The following UNC80 variants were observed in gnomAD, a reference collection of about 807,000 sequenced individuals.
UNC80 encodes the protein unc-80 subunit of NALCN channel complex.
UNC80 carries 164 observed loss-of-function variants against 384.6 expected under a neutral mutation model. That is an observed-to-expected ratio of 0.43 (90% confidence interval 0.38 to 0.49). UNC80 has a LOEUF of 0.49. UNC80 is among the 20% of genes least tolerant of loss of function. The probability of loss-of-function intolerance (pLI) is 0.00; values close to 1 mark genes in which losing one functional copy is unlikely to be tolerated. For missense variants in UNC80, 3,330 were observed against 4,143.0 expected, an observed-to-expected ratio of 0.80 and a Z score of 5.39; for synonymous variants, 1,486 against 1,527.8, an observed-to-expected ratio of 0.97 and a Z score of 0.64.
chr2:209,799,313 G>A (rs941104145), intron 7 of UNC80, among the ~76,000 whole-genome samples: 1 of 151,934 alleles, frequency 6.6e-6, no homozygotes, highest in African/African-American at 2.4e-5. Flanking sequence ...GTATTTCTAG[G>A]TATTGTATTA....
In UNC80 at chr2:209,982,323, C is replaced by A. The variant is rs1174852711; in HGVS notation, c.9257+6C>A. 5 of 1,550,290 alleles carry A rather than the reference C, an allele frequency of 3.2e-6. No homozygotes were observed. In the Admixed American group the frequency reaches 9.8e-5, roughly 30 times the overall value. On this transcript the variant is annotated splice_donor_region_variant and intron_variant, in intron 60 of 64. Coordinates refer to ENST00000673920, the MANE Select transcript of UNC80 (RefSeq NM_001371986.1). ...GGCATGCTACCCAGCCAGAGGTAAA[C>A]AGCTATGGTTATACTGTACTCTGCA...
chr2:209,919,470 T>C (rs1054927442), intron 33 of UNC80, among the ~76,000 whole-genome samples: 1 of 152,196 alleles, frequency 6.6e-6, no homozygotes, highest in Non-Finnish European at 1.5e-5. Flanking sequence ...CACTTTGTCC[T>C]TATAGAATAG....
At chr2:209,918,448 G>A (rs2089743437) in intron 32 of UNC80, 84 bp from the exon 33 acceptor site, 9 of 1,428,628 alleles carry the variant, frequency 6.3e-6, no homozygotes, top group Non-Finnish European at 7.6e-6. Flanking sequence ...AACACTTCCT[G>A]AGACAGATTG....
At chr2:209,914,049 A>G (rs1397212823) in intron 31 of UNC80, 109 bp downstream of exon 31, 1 of 1,314,314 alleles carries the variant, frequency 7.6e-7, no homozygotes, top group East Asian at 2.6e-5. Flanking sequence ...AGGTCAAGTT[A>G]ATGGCAATTG....
rs965816522 is a variant in UNC80, at chr2:209,973,212, G to A, written c.8529G>A (p.Ala2843=). 10 of 1,551,662 alleles carry A rather than the reference G, an allele frequency of 6.4e-6. No homozygotes were observed. Among genetic ancestry groups the A allele is most frequent in the South Asian group, 4.8e-5 (4 of 84,052 alleles). ...CCCACTGCTCCACCCCTGGGGATGC[G>A]GGGAAAGACTTGCGCAGGGAAGGGC... The part of the protein sequence containing the change: ...SPAHCSTPGD[A]GKDLRREGLA... The change falls in exon 56 of 65, where the codon GCG becomes GCA. Residue 2843 remains alanine (A), a synonymous_variant. Coordinates refer to ENST00000673920, the MANE Select transcript of UNC80 (RefSeq NM_001371986.1).
At chr2:209,955,663 C>G (rs932078432) in intron 48 of UNC80, among the ~76,000 whole-genome samples, 15 of 131,914 alleles carry the variant, frequency 1.1e-4, no homozygotes, top group Non-Finnish European at 2.2e-4. Flanking sequence ...GAAAAGCAGT[C>G]AATTGTTCCC....
intron 22 of UNC80, among the ~76,000 whole-genome samples, chr2:209,852,334 AAG>A (rs1296796822): frequency 6.6e-6 from 1 of 152,198 alleles, no homozygotes; most frequent in Non-Finnish European, 1.5e-5. Flanking sequence ...ATGAGGCAAA[AAG>A]AGAGAGAATC....
chr2:209,854,246 TAACAA>T (rs1260740297), intron 22 of UNC80, among the ~76,000 whole-genome samples: 5 of 152,088 alleles, frequency 3.3e-5, no homozygotes, highest in Admixed American at 3.3e-4. Context: ...AATTTAGTAA[TAACAA>T]AACTAAACTA....
At chr2:209,811,627 C>T (rs183423813) in intron 7 of UNC80, among the ~76,000 whole-genome samples, 17 of 152,264 alleles carry the variant, frequency 1.1e-4, no homozygotes, top group African/African-American at 3.1e-4. Context: ...ATAGCATATA[C>T]GGGAATTTAG....
intron 48 of UNC80, 51 bp from the exon 49 acceptor site, chr2:209,957,593 A>G (rs1242559670): frequency 2.1e-6 from 3 of 1,436,270 alleles, no homozygotes; most frequent in South Asian, 1.3e-5. Flanking sequence ...AAATGTTTCC[A>G]TTTCTGTTGT....
At chr2:209,815,565 C>G (rs1322322536) in intron 9 of UNC80, among the ~76,000 whole-genome samples, 174 bp downstream of exon 9, 2 of 152,090 alleles carry the variant, frequency 1.3e-5, no homozygotes, top group Non-Finnish European at 2.9e-5. Context: ...GCAAGTCCCT[C>G]TGTGTGAATG....
At position 209,994,084 on chromosome 2, in the gene UNC80, G is replaced by A; in HGVS notation, c.9528G>A (p.Val3176=). Residue 3176 remains valine (V), a synonymous_variant, in exon 64 of 65, where the codon GTG becomes GTA. Transcript: ENST00000673920. ...CTGCAGCGGATCAGAAACGATCTGT[G>A]ACCTTCATTGAGGCTCAGCCAGAGC... ...TKPSADQKRS[V]TFIEAQPEPA... 6.4e-7 allele frequency: 1 copy of A among 1,551,056 alleles called. No homozygotes were observed. The highest frequency in any genetic ancestry group is 8.7e-7 in the Non-Finnish European group (1 of 1,146,710).
chr2:209,856,097 A>G (rs1472047011), intron 22 of UNC80, among the ~76,000 whole-genome samples: 1 of 152,114 alleles, frequency 6.6e-6, no homozygotes, highest in Admixed American at 6.5e-5. Context: ...GATATAATGA[A>G]AACTCCTGTT....
intron 38 of UNC80, among the ~76,000 whole-genome samples, chr2:209,931,684 A>C (rs1268845516): frequency 2.0e-5 from 3 of 152,216 alleles, no homozygotes; most frequent in African/African-American, 7.2e-5. Context: ...ATCCATATGC[A>C]TATGCATCCC....
intron 10 of UNC80, 81 bp from the exon 11 acceptor site, chr2:209,817,731 T>A: frequency 1.3e-6 from 2 of 1,507,350 alleles, no homozygotes; most frequent in South Asian, 2.5e-5. Context: ...CTCTCCCTGC[T>A]GTCCTTGGGA....
chr2:209,971,622 A>G (rs76030380), intron 54 of UNC80, among the ~76,000 whole-genome samples: 4,933 of 152,324 alleles, frequency 0.032, 162 homozygotes, highest in South Asian at 0.14. Context: ...TTGACAACCA[A>G]GCTTGATGGC....
chr2:209,956,924 A>G (rs2092440230), intron 48 of UNC80, among the ~76,000 whole-genome samples: 1 of 152,220 alleles, frequency 6.6e-6, no homozygotes, highest in African/African-American at 2.4e-5. Flanking sequence ...AGCCATCCCC[A>G]GCAGACAGAA....
Position 209,992,218 on chromosome 2 carries a change from C to T in UNC80, c.9367C>T (p.Pro3123Ser), listed in dbSNP as rs2093405209. The T allele has an allele frequency of 1.3e-6, 2 of 1,551,576 alleles. No homozygotes were observed. Among genetic ancestry groups the T allele is most frequent in the East Asian group, 4.9e-5 (2 of 40,920 alleles). ...PGQQNLLVQQ[P>S]LGRKRGLRQL... ...TCAACAGAACCTCCTTGTTCAGCAG[C>T]CGCTGGGGAGGAAGAGGGGCCTGAG... The change falls in exon 62 of 65, where the codon CCG becomes TCG. Residue 3123 changes from proline (P) to serine (S), a missense_variant. Pro to Ser is a moderately conservative substitution (Grantham distance 74). Coordinates refer to ENST00000673920, the MANE Select transcript of UNC80 (RefSeq NM_001371986.1).
chr2:209,817,028 G>T lies in UNC80; in HGVS notation c.1455G>T (p.Val485=). 1 of 1,551,732 alleles carries T rather than the reference G, an allele frequency of 6.4e-7. No homozygotes were observed. The highest frequency in any genetic ancestry group is 8.7e-7 in the Non-Finnish European group (1 of 1,147,010). Residue 485 remains valine (V), a synonymous_variant, in exon 10 of 65, where the codon GTG becomes GTT. Coordinates refer to ENST00000673920, the MANE Select transcript of UNC80 (RefSeq NM_001371986.1). ...TGCTTCACGAGGACCACCTGGATGT[G>T]TCCCCCACGCGCAGCACATTCTCCT... ...PFLLHEDHLD[V]SPTRSTFSFG...
Sources: allele counts gnomAD v4.1 joint callset (sites outside exome capture counted in the v4.1 genomes callset), GRCh38; gene constraint gnomAD v4.1.1; transcripts MANE v1.5; gene names NCBI Gene and HGNC (gene_info 2026-07-23, HGNC 2026-07-21).